LPP: variants seen among roughly 807,000 people sequenced by gnomAD.
LPP encodes the protein LIM domain containing preferred translocation partner in lipoma, also known as lipoma-preferred partner.
In LPP, 38 loss-of-function variants were observed where a neutral mutation model predicts 60.4. The ratio of observed to expected loss-of-function variants is 0.63; its 90% confidence interval spans 0.49 to 0.83. The LOEUF (loss-of-function observed/expected upper bound fraction) is 0.83. Ranked by LOEUF, LPP falls within the 40% of genes least tolerant of loss-of-function variation. The pLI, the probability that LPP is intolerant of heterozygous loss-of-function variation, is 0.00. For missense variants in LPP, 902 were observed against 783.6 expected (o/e 1.15, Z -1.80); for synonymous variants, 328 against 290.8 (o/e 1.13, Z -1.30).
intron 6 of LPP, among the ~76,000 whole-genome samples, chr3:188,596,616 GAAA>G (rs528845355): frequency 6.7e-6 from 1 of 148,236 alleles, no homozygotes; most frequent in Non-Finnish European, 1.5e-5. Flanking sequence ...CTGCAAAGAG[GAAA>G]AAAAAAACTG....
intron 6 of LPP, among the ~76,000 whole-genome samples, chr3:188,547,600 T>G (rs11929451): frequency 0.017 from 2,540 of 152,326 alleles, 67 homozygotes; most frequent in African/African-American, 0.054. Context: ...CTCTTTTTTT[T>G]ACTTGGCATT....
Position 188,603,324 on chromosome 3 carries a change from C to T in LPP, c.430-5837C>T, listed in dbSNP as rs533565643. Among the ~76,000 whole-genome samples, 53 of 146,020 alleles carry T rather than the reference C, an allele frequency of 3.6e-4. 1 individual carries two copies. Among genetic ancestry groups the T allele is most frequent in the Admixed American group, 3.6e-4 (5 of 14,062 alleles). ...TTATCTCTTAAAAATAGGAAAACTA[C>T]GGATAGACTGATAAAGAATTTTGTG... On this transcript the variant is annotated intron_variant, in intron 6 of 11. Transcript: ENST00000617246.
At chr3:188,583,804 G>T (rs924648324) in intron 6 of LPP, among the ~76,000 whole-genome samples, 4 of 152,096 alleles carry the variant, frequency 2.6e-5, no homozygotes, top group Non-Finnish European at 5.9e-5. Flanking sequence ...TCATAAAATA[G>T]AATTTTCTTA....
intron 7 of LPP, among the ~76,000 whole-genome samples, chr3:188,634,692 T>C (rs578261721): frequency 1.3e-5 from 2 of 152,312 alleles, no homozygotes; most frequent in East Asian, 3.9e-4. Context: ...CTTATGAGAA[T>C]CTAATGCCTG....
At chr3:188,235,405 G>A (rs13323478) in intron 2 of LPP, among the ~76,000 whole-genome samples, 5,149 of 152,220 alleles carry the variant, frequency 0.034, 158 homozygotes, top group African/African-American at 0.077. Flanking sequence ...GTCTAGGTGG[G>A]GTTGATGCAG....
intron 7 of LPP, among the ~76,000 whole-genome samples, chr3:188,656,833 A>G (rs1853326622): frequency 6.6e-6 from 1 of 152,220 alleles, no homozygotes; most frequent in African/African-American, 2.4e-5. Context: ...GCTGCCCAAT[A>G]GCTCTGTGAA....
At position 188,744,278 on chromosome 3, in the gene LPP, T is replaced by C. The variant is rs538421118; in HGVS notation, c.1241-15835T>C. On this transcript the variant is annotated intron_variant, in intron 8 of 11. Transcript: ENST00000617246. ...TGTAGAAAATCTGAACTTTATTATATTGATCTCTGGGATCATCCACAAAAT... is the reference window on the plus strand; with the variant it reads ...TGTAGAAAATCTGAACTTTATTATACTGATCTCTGGGATCATCCACAAAAT... Among the ~76,000 whole-genome samples the C allele has an allele frequency of 6.6e-5, 10 of 152,250 alleles. No individual in the cohort carries two copies. The South Asian group carries it at 1.9e-3, about 28-fold the overall frequency.
intron 2 of LPP, among the ~76,000 whole-genome samples, chr3:188,277,468 T>G (rs1740387590): frequency 6.6e-6 from 1 of 152,160 alleles, no homozygotes; most frequent in Non-Finnish European, 1.5e-5. Flanking sequence ...CTCAGTAAAT[T>G]TTAGTTTCTT....
intron 7 of LPP, among the ~76,000 whole-genome samples, chr3:188,678,152 G>C (rs1035223199): frequency 2.0e-5 from 3 of 152,164 alleles, no homozygotes; most frequent in African/African-American, 4.8e-5. Flanking sequence ...TATAGTTTCT[G>C]TTCCAATGCC....
chr3:188,806,709 A>G (rs1462119448), intron 9 of LPP, among the ~76,000 whole-genome samples: 4 of 151,840 alleles, frequency 2.6e-5, no homozygotes, highest in African/African-American at 9.7e-5. Flanking sequence ...TAATGTTAGT[A>G]TTACCCTTTG....
chr3:188,221,421 C>G (rs1014930852), intron 1 of LPP, among the ~76,000 whole-genome samples: 1 of 152,166 alleles, frequency 6.6e-6, no homozygotes, highest in African/African-American at 2.4e-5. Context: ...TCCAACTCAG[C>G]ACCTACACCT....
intron 6 of LPP, among the ~76,000 whole-genome samples, chr3:188,606,013 C>G (rs1024675089): frequency 2.6e-5 from 4 of 152,086 alleles, no homozygotes; most frequent in African/African-American, 4.8e-5. Flanking sequence ...CTGTCAAACT[C>G]AAGAAGACCA....
At chr3:188,199,806 C>T (rs1366019481) in intron 1 of LPP, among the ~76,000 whole-genome samples, 1 of 151,902 alleles carries the variant, frequency 6.6e-6, no homozygotes, top group Non-Finnish European at 1.5e-5. Context: ...CCTCCCCCTC[C>T]CAGGTTCAAG....
chr3:188,493,695 G>T (rs1809064379), intron 5 of LPP, among the ~76,000 whole-genome samples: 1 of 152,072 alleles, frequency 6.6e-6, no homozygotes, highest in Admixed American at 6.5e-5. Context: ...CTCCTGTCCT[G>T]ATGCCTCTCA....
chr3:188,169,282 AT>A (rs1720888109), intron 1 of LPP, among the ~76,000 whole-genome samples: 1 of 152,228 alleles, frequency 6.6e-6, no homozygotes, highest in African/African-American at 2.4e-5. Flanking sequence ...TTATTTTCTC[AT>A]CCTAGAAATG....
chr3:188,357,521 T>A (rs914290452), intron 3 of LPP, among the ~76,000 whole-genome samples: 46 of 152,212 alleles, frequency 3.0e-4, no homozygotes, highest in Non-Finnish European at 8.8e-5. Flanking sequence ...ATTCTTTTTT[T>A]AAGTCACATG....
intron 7 of LPP, among the ~76,000 whole-genome samples, chr3:188,690,294 T>C (rs1469232204): frequency 6.6e-6 from 1 of 152,210 alleles, no homozygotes; most frequent in Non-Finnish European, 1.5e-5. Flanking sequence ...TCAGTATTGC[T>C]GTTTGCTCGG....
In LPP at chr3:188,269,643, T is replaced by TTTA. The variant is rs67333120; in HGVS notation, c.-67+44117_-67+44118insTAT. ...TGGCTAGCTGGTTGTGCCTTTTTTT[T>TTTA]TATGTGTGTGTGTGTGTGTGTGTGT... On this transcript the variant is annotated intron_variant, in intron 2 of 11. Coordinates refer to ENST00000617246, the MANE Select transcript of LPP (RefSeq NM_001375462.1). Among the ~76,000 whole-genome samples, 227 of 134,310 alleles carry TTTA rather than the reference T, an allele frequency of 1.7e-3. 8 individuals are homozygous for TTTA. Among genetic ancestry groups the TTTA allele is most frequent in the South Asian group, 2.8e-3 (12 of 4,258 alleles). 88.1% of individuals were successfully genotyped at this position (134,310 alleles called of 152,430 possible). A position where few individuals can be genotyped will look rare whatever the true frequency, so the allele number is the denominator to read the frequency against.
At chr3:188,810,585 TA>T (rs1165868914) in intron 9 of LPP, among the ~76,000 whole-genome samples, 1 of 152,200 alleles carries the variant, frequency 6.6e-6, no homozygotes, top group Non-Finnish European at 1.5e-5. Flanking sequence ...GTCTAATTTA[TA>T]AATTATACTT....
Sources: allele counts gnomAD v4.1 joint callset (sites outside exome capture counted in the v4.1 genomes callset), GRCh38; gene constraint gnomAD v4.1.1; transcripts MANE v1.5; gene names NCBI Gene and HGNC (gene_info 2026-07-23, HGNC 2026-07-21).